The following TMEFF2 variants were observed in gnomAD, a reference collection of about 807,000 sequenced individuals.
TMEFF2 encodes the protein tomoregulin-2.
TMEFF2 carries 28 observed loss-of-function variants against 53.8 expected under a neutral mutation model. The observed-to-expected ratio is 0.52, with a 90% CI of 0.39 to 0.71. The LOEUF is 0.71. TMEFF2 is among the 30% of genes least tolerant of loss of function. The pLI is 0.00. For missense variants in TMEFF2, 353 were observed against 455.2 expected (o/e 0.78, Z 2.04); for synonymous variants, 162 against 166.3 (o/e 0.97, Z 0.20).
intron 7 of TMEFF2, among the ~76,000 whole-genome samples, chr2:191,974,227 A>G (rs962418693): frequency 2.6e-5 from 4 of 152,148 alleles, no homozygotes; most frequent in African/African-American, 7.2e-5. Context: ...TCAGAAAACA[A>G]TTTTGTGTGA....
At chr2:192,078,911 C>A (rs763254033) in intron 4 of TMEFF2, among the ~76,000 whole-genome samples, 2 of 152,148 alleles carry the variant, frequency 1.3e-5, no homozygotes, top group Non-Finnish European at 2.9e-5. Context: ...GTATTCTATT[C>A]CTACTAATGG....
chr2:192,153,918 A>C (rs1019219704), intron 4 of TMEFF2, among the ~76,000 whole-genome samples: 1 of 151,938 alleles, frequency 6.6e-6, no homozygotes, highest in African/African-American at 2.4e-5. Flanking sequence ...TTTCATTTTG[A>C]GAGAAAATTC....
chr2:192,176,241 T>C (rs1201125483), intron 4 of TMEFF2, among the ~76,000 whole-genome samples: 2 of 151,390 alleles, frequency 1.3e-5, no homozygotes, highest in African/African-American at 4.8e-5. Flanking sequence ...CAATTCACAG[T>C]TGTAGTTTAT....
chr2:192,145,242 G>GA (rs1174225573), intron 4 of TMEFF2, among the ~76,000 whole-genome samples: 1 of 151,758 alleles, frequency 6.6e-6, no homozygotes, highest in Non-Finnish European at 1.5e-5. Context: ...ATTATCATTA[G>GA]AAAATACATA....
intron 5 of TMEFF2, among the ~76,000 whole-genome samples, chr2:192,003,324 C>T (rs1312091094): frequency 6.6e-6 from 1 of 152,168 alleles, no homozygotes; most frequent in Non-Finnish European, 1.5e-5. Flanking sequence ...ATGTCAGAGC[C>T]TGCCCTGTTC....
At chr2:191,956,463 T>C (rs924369939) in intron 7 of TMEFF2, 85 bp from the exon 8 acceptor site, 22 of 1,417,874 alleles carry the variant, frequency 1.6e-5, no homozygotes, top group Non-Finnish European at 2.1e-5. Context: ...AAAGCTATGG[T>C]AGGCAAAGAT....
intron 5 of TMEFF2, among the ~76,000 whole-genome samples, chr2:192,014,090 C>T (rs547218188): frequency 6.6e-6 from 1 of 152,240 alleles, no homozygotes; most frequent in South Asian, 2.1e-4. Context: ...ATGACTAGCT[C>T]ATAGTGGATG....
chr2:192,078,936 T>C (rs1160929335), intron 4 of TMEFF2, among the ~76,000 whole-genome samples: 1 of 152,186 alleles, frequency 6.6e-6, no homozygotes, highest in East Asian at 1.9e-4. Flanking sequence ...TATATGCATA[T>C]TGTGCCAACA....
chr2:192,184,246 A>G (rs1227094518), intron 3 of TMEFF2, 108 bp downstream of exon 3: 33 of 1,334,084 alleles, frequency 2.5e-5, no homozygotes, highest in Non-Finnish European at 3.4e-5. Context: ...CGGCTTGTCT[A>G]GTCAACATAT....
At chr2:191,958,947 A>T (rs559569201) in intron 7 of TMEFF2, among the ~76,000 whole-genome samples, 2 of 152,234 alleles carry the variant, frequency 1.3e-5, no homozygotes, top group Non-Finnish European at 2.9e-5. Flanking sequence ...GACATATTTT[A>T]GAAACAAGAT....
intron 5 of TMEFF2, among the ~76,000 whole-genome samples, chr2:192,028,234 C>A (rs1355474935): frequency 2.0e-5 from 3 of 152,114 alleles, no homozygotes; most frequent in Non-Finnish European, 4.4e-5. Context: ...GCTTCCCCAG[C>A]CATGTGGGAC....
At chr2:192,006,386 C>T (rs1686502323) in intron 5 of TMEFF2, among the ~76,000 whole-genome samples, 1 of 151,828 alleles carries the variant, frequency 6.6e-6, no homozygotes, top group African/African-American at 2.4e-5. Context: ...CCCAGGACTT[C>T]CAAAAAACGG....
chr2:192,110,624 G>C (rs183403786), intron 4 of TMEFF2, among the ~76,000 whole-genome samples: 1 of 152,266 alleles, frequency 6.6e-6, no homozygotes, highest in East Asian at 1.9e-4. Context: ...ACACAGAAAT[G>C]TCAGATTTGT....
At chr2:192,043,084 A>G (rs1006153931) in intron 5 of TMEFF2, among the ~76,000 whole-genome samples, 2 of 152,206 alleles carry the variant, frequency 1.3e-5, no homozygotes, top group African/African-American at 4.8e-5. Context: ...GCCAAAAGCA[A>G]GGTCAAAAGC....
At chr2:192,170,248 C>G (rs1465721862) in intron 4 of TMEFF2, among the ~76,000 whole-genome samples, 1 of 152,020 alleles carries the variant, frequency 6.6e-6, no homozygotes, top group Non-Finnish European at 1.5e-5. Flanking sequence ...CCACCACTAC[C>G]ACTTAAATCA....
chr2:192,051,230 G>GGTT (rs375876597), intron 5 of TMEFF2, among the ~76,000 whole-genome samples: 8 of 145,604 alleles, frequency 5.5e-5, no homozygotes, highest in East Asian at 2.0e-4. Context: ...TTTTTTCTGG[G>GGTT]TTTTTTTTTT....
At chr2:192,108,108 A>G (rs1689193597) in intron 4 of TMEFF2, among the ~76,000 whole-genome samples, 1 of 151,818 alleles carries the variant, frequency 6.6e-6, no homozygotes, top group Non-Finnish European at 1.5e-5. Flanking sequence ...TACCTAGTTC[A>G]AACAGGTCAA....
intron 7 of TMEFF2, among the ~76,000 whole-genome samples, chr2:191,976,915 A>T (rs781064111): frequency 5.9e-5 from 9 of 152,198 alleles, no homozygotes; most frequent in Non-Finnish European, 1.0e-4. Context: ...ATCTGTGACC[A>T]CGGGCAACTT....
intron 4 of TMEFF2, among the ~76,000 whole-genome samples, chr2:192,134,418 A>C (rs1689945879): frequency 6.6e-6 from 1 of 152,194 alleles, no homozygotes; most frequent in South Asian, 2.1e-4. Flanking sequence ...CACCAGGCCT[A>C]ATCGCCACAC....
Sources: gnomAD v4.1 joint callset for allele counts (sites outside exome capture counted in the v4.1 genomes callset) on GRCh38, gnomAD v4.1.1 for gene constraint, MANE v1.5 for transcripts, NCBI Gene and HGNC (gene_info 2026-07-23, HGNC 2026-07-21) for gene names.